Variants in PHGDH observed in about 807,000 individuals in gnomAD.
PHGDH encodes D-3-phosphoglycerate dehydrogenase.
Under a neutral mutation model 52.6 loss-of-function variants are expected in PHGDH, and 50 were observed. The ratio of observed to expected loss-of-function variants is 0.95; its 90% CI spans 0.76 to 1.20. The LOEUF (loss-of-function observed/expected upper bound fraction) is 1.20, where lower values mean the gene tolerates loss of function less well. Ranked by LOEUF, PHGDH falls within the 50% of genes most tolerant of loss-of-function variation. PHGDH has a pLI of 0.00. For missense variants in PHGDH, 630 were observed against 684.6 expected (o/e 0.92, Z 0.89); for synonymous variants, 271 against 280.5 (o/e 0.97, Z 0.34).
intron 6 of PHGDH, 129 bp downstream of exon 6, chr1:119,734,895 AG>A (rs769883463): frequency 7.6e-6 from 8 of 1,051,106 alleles, no homozygotes; most frequent in South Asian, 3.8e-5. Flanking sequence ...GGTCCTGCAG[AG>A]GCTGGTGTTT....
At chr1:119,712,408 C>T (rs1005803724) in intron 1 of PHGDH, 3 of 485,786 alleles carry the variant, frequency 6.2e-6, no homozygotes, top group Non-Finnish European at 1.1e-5. Flanking sequence ...CCTCCGCTAG[C>T]ATTGCAAAGT....
intron 10 of PHGDH, chr1:119,742,465 ATGCCGT>A (rs1652251991): frequency 2.1e-6 from 1 of 476,256 alleles, no homozygotes; most frequent in Admixed American, 3.4e-5. Context: ...CATGCCACTG[ATGCCGT>A]GCAGGAGGCT....
chr1:119,728,642 G>A (rs10494230), intron 5 of PHGDH, among the ~76,000 whole-genome samples: 14,169 of 152,144 alleles, frequency 0.093, 1,573 homozygotes, highest in African/African-American at 0.27. Context: ...GGCTAATCCA[G>A]GAGACCTTGC....
intron 1 of PHGDH, chr1:119,720,801 A>G (rs951873258): frequency 1.7e-5 from 6 of 356,238 alleles, no homozygotes; most frequent in African/African-American, 1.3e-4. Flanking sequence ...AGAGAGGAAC[A>G]GGAGATGGCC....
At chr1:119,739,217 C>A (rs1290254243) in intron 8 of PHGDH, among the ~76,000 whole-genome samples, 1 of 152,158 alleles carries the variant, frequency 6.6e-6, no homozygotes, top group Non-Finnish European at 1.5e-5. Context: ...GACACCTCCC[C>A]GGGCTTGGGC....
At position 119,742,983 on chromosome 1, in the gene PHGDH, C is replaced by T; in HGVS notation, c.1386C>T (p.Asp462=). Residue 462 remains aspartate, a synonymous_variant, in exon 11 of 12, where the codon GAC becomes GAT. Transcript: ENST00000641023. ...VFRPEVPLRR[D]LPLLLFRTQT... ...GGCCAGAAGTGCCTCTCCGCAGGGA[C>T]CTGCCCCTGCTCCTATTCCGGACTC... The T allele has an allele frequency of 1.2e-6, 2 of 1,614,184 alleles. No homozygotes were observed. The highest frequency in any genetic ancestry group is 1.3e-5 in the African/African-American group (1 of 75,070).
At chr1:119,730,233 G>A (rs1002928321) in intron 5 of PHGDH, among the ~76,000 whole-genome samples, 1 of 152,170 alleles carries the variant, frequency 6.6e-6, no homozygotes, top group Non-Finnish European at 1.5e-5. Context: ...AGGAAATGAG[G>A]ATAAGTGTTT....
intron 1 of PHGDH, among the ~76,000 whole-genome samples, chr1:119,718,573 A>C (rs936414970): frequency 1.9e-4 from 29 of 152,148 alleles, no homozygotes; most frequent in Non-Finnish European, 1.5e-5. Flanking sequence ...ATGACTTTCC[A>C]GTTCTTGGCT....
intron 6 of PHGDH, 51 bp from the exon 7 acceptor site, chr1:119,735,244 C>T (rs777274051): frequency 3.5e-5 from 57 of 1,611,570 alleles, no homozygotes; most frequent in East Asian, 1.1e-4. Flanking sequence ...CAGGGATGAG[C>T]GTGGGGATCC....
intron 5 of PHGDH, among the ~76,000 whole-genome samples, chr1:119,731,335 G>A (rs746792480): frequency 3.9e-5 from 6 of 152,164 alleles, no homozygotes; most frequent in Non-Finnish European, 5.9e-5. Context: ...ATGACAGGTC[G>A]TGACCTCAGA....
chr1:119,729,624 G>A (rs1408581456), intron 5 of PHGDH: 1 of 152,174 alleles, frequency 6.6e-6, no homozygotes, highest in Non-Finnish European at 1.5e-5. Context: ...CTGAATGATT[G>A]AGGTGCTAGG....
rs958052810 is a variant in PHGDH at position 119,721,245 on chromosome 1, G to A, written c.214G>A (p.Val72Met). 3.1e-6 allele frequency: 5 copies of A among 1,614,076 alleles called. No homozygotes were observed. The highest frequency in any genetic ancestry group is 3.3e-5 in the Admixed American group (2 of 60,004). The change falls in exon 2 of 12, where the codon GTG becomes ATG. Residue 72 changes from valine (V) to methionine (M), a missense_variant. Transcript: ENST00000641023. ...CATCAACGCAGCTGAGAAACTCCAG[G>A]TGGTGGGCAGGGCTGGCACAGGTGT... ...DVINAAEKLQ[V>M]VGRAGTGVDN...
At chr1:119,725,574 G>A (rs112766517) in intron 3 of PHGDH, among the ~76,000 whole-genome samples, 1,765 of 152,296 alleles carry the variant, frequency 0.012, 39 homozygotes, top group African/African-American at 0.04. Flanking sequence ...TGGTACTGAA[G>A]TTCTTCTGAG....
intron 7 of PHGDH, among the ~76,000 whole-genome samples, chr1:119,736,051 A>G (rs1044443073): frequency 3.3e-5 from 5 of 152,192 alleles, no homozygotes; most frequent in Non-Finnish European, 1.5e-5. Context: ...TGTCCCCAAC[A>G]TTGGAGCTTC....
At chr1:119,727,840 C>A (rs1303113090) in intron 5 of PHGDH, among the ~76,000 whole-genome samples, 1 of 152,032 alleles carries the variant, frequency 6.6e-6, no homozygotes, top group Non-Finnish European at 1.5e-5. Flanking sequence ...TCTTAAAAAA[C>A]AGAAACAAAA....
At chr1:119,729,893 C>G (rs1364664317) in intron 5 of PHGDH, 1 of 152,226 alleles carries the variant, frequency 6.6e-6, no homozygotes, top group Non-Finnish European at 1.5e-5. Flanking sequence ...TGCATTTCTT[C>G]TGTCCAGATG....
intron 2 of PHGDH, chr1:119,721,655 G>T (rs894064842): frequency 1.8e-5 from 5 of 273,822 alleles, no homozygotes; most frequent in Non-Finnish European, 2.8e-5. Flanking sequence ...GAATCGGAAG[G>T]TCAGTGAGTT....
intron 1 of PHGDH, chr1:119,713,139 A>G (rs1390571230): frequency 6.6e-6 from 1 of 152,326 alleles, no homozygotes; most frequent in Non-Finnish European, 1.5e-5. Context: ...CGACCTCTGT[A>G]GTCGACCCAG....
chr1:119,736,968 A>G (rs922031365), intron 7 of PHGDH, 146 bp from the exon 8 acceptor site: 6 of 725,360 alleles, frequency 8.3e-6, no homozygotes, highest in Admixed American at 3.9e-5. Context: ...CCCATTATTG[A>G]GTCCAGTGAC....
Sources: allele counts gnomAD v4.1 joint callset (sites outside exome capture counted in the v4.1 genomes callset), GRCh38; gene constraint gnomAD v4.1.1; transcripts MANE v1.5; gene names NCBI Gene and HGNC (gene_info 2026-07-23, HGNC 2026-07-21).